Variants in TMEM196 observed in about 807,000 individuals in gnomAD.
The protein encoded by TMEM196 is transmembrane protein 196.
In TMEM196, 17 loss-of-function variants were observed where a neutral mutation model predicts 20.0. The observed-to-expected ratio is 0.85, with a 90% CI of 0.58 to 1.27. The LOEUF is 1.27. TMEM196 is among the 50% of genes most tolerant of loss of function. The pLI is 0.00. For missense variants in TMEM196, 267 were observed against 223.0 expected, an observed-to-expected ratio of 1.20 and a Z score of -1.26; for synonymous variants, 113 against 88.9, an observed-to-expected ratio of 1.27 and a Z score of -1.52.
At chr7:19,751,198 G>C (rs1784947654) in intron 1 of TMEM196, among the ~76,000 whole-genome samples, 1 of 152,190 alleles carries the variant, frequency 6.6e-6, no homozygotes, top group Non-Finnish European at 1.5e-5. Context: ...TTCTGCAACA[G>C]CTAACAGAAT....
intron 1 of TMEM196, among the ~76,000 whole-genome samples, chr7:19,771,062 A>T (rs947533970): frequency 2.6e-5 from 4 of 152,140 alleles, no homozygotes; most frequent in African/African-American, 9.7e-5. Context: ...TCATTTTGAC[A>T]GTTGTTCAAT....
chr7:19,761,224 T>A (rs207995), intron 1 of TMEM196, among the ~76,000 whole-genome samples: 1 of 152,242 alleles, frequency 6.6e-6, no homozygotes, highest in Non-Finnish European at 1.5e-5. Flanking sequence ...GAAGCCACTT[T>A]CCATCTTCCT....
intron 4 of TMEM196, among the ~76,000 whole-genome samples, chr7:19,723,395 C>G (rs778015014): frequency 3.3e-5 from 5 of 152,054 alleles, no homozygotes; most frequent in Admixed American, 6.6e-5. Flanking sequence ...ACTTTCCACT[C>G]AAAAACTGCT....
At chr7:19,722,173 T>C (rs2128010717) in intron 4 of TMEM196, 39 bp from the exon 5 acceptor site, 1 of 1,555,332 alleles carries the variant, frequency 6.4e-7, no homozygotes, top group Non-Finnish European at 8.8e-7. Flanking sequence ...AATTCGCTTT[T>C]GGAGTAAGAC....
rs917089137 is a variant in TMEM196 at position 19,772,540 on chromosome 7, C to T, written c.147+10G>A. ...GAAATGGCTCAACGTACACACACCC[C>T]GCTCCATACCGGGGACGAGTCTCCG... is the stretch of plus-strand genomic sequence containing the variant. On this transcript the variant is annotated intron_variant, in intron 1 of 4. Coordinates refer to ENST00000405844, the MANE Select transcript of TMEM196 (RefSeq NM_001363562.2). The T allele has an allele frequency of 2.0e-6, 3 of 1,538,238 alleles. No individual in the cohort carries two copies. The highest frequency in any genetic ancestry group is 1.4e-5 in the African/African-American group (1 of 72,446).
chr7:19,752,550 A>C lies in TMEM196; in HGVS notation c.147+20000T>G, dbSNP rs527321679. ...TAAGTTCATTCCTAGTATGATTTTTAGCACCTTATTAGTGCCTTATTTTCT... is the reference window on the plus strand; with the variant it reads ...TAAGTTCATTCCTAGTATGATTTTTCGCACCTTATTAGTGCCTTATTTTCT... On this transcript the variant is annotated intron_variant, in intron 1 of 4. Transcript: ENST00000405844. Among the ~76,000 whole-genome samples the C allele has an allele frequency of 3.9e-5, 6 of 152,020 alleles. No homozygotes were observed. The South Asian group carries it at 1.2e-3, about 32-fold the overall frequency.
Position 19,722,051 on chromosome 7 carries a change from G to C in TMEM196, c.*77C>G, listed in dbSNP as rs374536602. The C allele has an allele frequency of 6.3e-7, 1 of 1,597,946 alleles. No individual in the cohort carries two copies. Among genetic ancestry groups the C allele is most frequent in the Non-Finnish European group, 8.6e-7 (1 of 1,169,398 alleles). ...CATTGCCTCATGAAAATCCTAAAAA[G>C]TGTTCAATTCTTTAAAACATTGATT... is the stretch of plus-strand genomic sequence containing the variant. On this transcript the variant is annotated 3_prime_UTR_variant, in exon 5 of 5. Transcript: ENST00000405844.
At chr7:19,740,972 T>A (rs185714749) in intron 1 of TMEM196, among the ~76,000 whole-genome samples, 3 of 152,170 alleles carry the variant, frequency 2.0e-5, no homozygotes, top group East Asian at 3.8e-4. Flanking sequence ...CCACCTTCAA[T>A]AACTAACATA....
At chr7:19,766,627 A>G (rs149326198) in intron 1 of TMEM196, among the ~76,000 whole-genome samples, 28 of 151,654 alleles carry the variant, frequency 1.8e-4, no homozygotes, top group African/African-American at 5.8e-4. Flanking sequence ...TGAAATTTGG[A>G]TCACTTCACA....
chr7:19,767,386 T>C (rs1037742006), intron 1 of TMEM196, among the ~76,000 whole-genome samples: 1 of 152,094 alleles, frequency 6.6e-6, no homozygotes, highest in Non-Finnish European at 1.5e-5. Flanking sequence ...GGATAATCAG[T>C]AGCATTTGCA....
At chr7:19,759,901 C>T (rs1785368004) in intron 1 of TMEM196, among the ~76,000 whole-genome samples, 1 of 152,132 alleles carries the variant, frequency 6.6e-6, no homozygotes, top group South Asian at 2.1e-4. Context: ...TAGTAGCCTC[C>T]TAATTACACC....
chr7:19,752,148 A>C (rs568297284), intron 1 of TMEM196, among the ~76,000 whole-genome samples: 7 of 152,346 alleles, frequency 4.6e-5, no homozygotes, highest in African/African-American at 1.7e-4. Context: ...TCATCATAAA[A>C]GCTTATGTCT....
At chr7:19,742,621 C>T (rs575825487) in intron 1 of TMEM196, among the ~76,000 whole-genome samples, 12 of 152,060 alleles carry the variant, frequency 7.9e-5, no homozygotes, top group African/African-American at 2.9e-4. Flanking sequence ...TAAAAGCTGC[C>T]GATGCTATTT....
intron 1 of TMEM196, among the ~76,000 whole-genome samples, chr7:19,762,124 A>G (rs750641286): frequency 2.0e-5 from 3 of 152,184 alleles, no homozygotes; most frequent in Admixed American, 6.5e-5. Context: ...TGTGAATTTT[A>G]TATAAGGGGA....
At chr7:19,725,051 A>G (rs987885534) in intron 3 of TMEM196, among the ~76,000 whole-genome samples, 2 of 152,238 alleles carry the variant, frequency 1.3e-5, no homozygotes, top group Non-Finnish European at 2.9e-5. Context: ...ATCTGCACTG[A>G]TAGACAAGGC....
intron 1 of TMEM196, among the ~76,000 whole-genome samples, chr7:19,735,263 T>C (rs1246373720): frequency 6.6e-6 from 1 of 151,862 alleles, no homozygotes; most frequent in Non-Finnish European, 1.5e-5. Flanking sequence ...TAGAAAAAAA[T>C]TTAAAAAGTG....
At chr7:19,753,603 C>G (rs148176012) in intron 1 of TMEM196, among the ~76,000 whole-genome samples, 2 of 152,186 alleles carry the variant, frequency 1.3e-5, no homozygotes, top group African/African-American at 4.8e-5. Flanking sequence ...AAGGCATACA[C>G]AATCCCCCTG....
At chr7:19,764,556 A>G (rs563260650) in intron 1 of TMEM196, among the ~76,000 whole-genome samples, 4 of 152,154 alleles carry the variant, frequency 2.6e-5, no homozygotes, top group African/African-American at 9.6e-5. Context: ...TCCTCTGCCC[A>G]CTGGAAACCT....
chr7:19,728,042 G>A (rs995254241), intron 2 of TMEM196, among the ~76,000 whole-genome samples: 1 of 152,030 alleles, frequency 6.6e-6, no homozygotes, highest in African/African-American at 2.4e-5. Context: ...CACCTGGGCG[G>A]TAGTTTCTTA....
Sources: gnomAD v4.1 joint callset for allele counts (sites outside exome capture counted in the v4.1 genomes callset) on GRCh38, gnomAD v4.1.1 for gene constraint, MANE v1.5 for transcripts, NCBI Gene and HGNC (gene_info 2026-07-23, HGNC 2026-07-21) for gene names.